MCOLN2: variants seen among roughly 807,000 people sequenced by gnomAD.
MCOLN2 encodes mucolipin TRP cation channel 2, also known as mucolipin-2.
A neutral mutation model predicts 67.5 loss-of-function variants in MCOLN2; 57 were observed. That is an observed-to-expected ratio of 0.84 (90% CI 0.68 to 1.05). MCOLN2 has a LOEUF of 1.05. Ranked by LOEUF, MCOLN2 falls within the 50% of genes least tolerant of loss-of-function variation. MCOLN2 has a pLI of 0.00. For missense variants in MCOLN2, 620 were observed against 678.8 expected (o/e 0.91, Z 0.96); for synonymous variants, 246 against 233.3 (o/e 1.05, Z -0.50).
rs1228223257 is a variant in MCOLN2, at chr1:84,929,552, A to G, written c.1664+6T>C. ...CAGGAGCATGGAGAATAAACATGAT[A>G]CTGACCTCCTCCGACAGCAGATGCA... On this transcript the variant is annotated splice_donor_region_variant and intron_variant, in intron 13 of 13. Coordinates refer to ENST00000370608, the MANE Select transcript of MCOLN2 (RefSeq NM_153259.4). The G allele has an allele frequency of 2.5e-6, 4 of 1,611,806 alleles. No homozygotes were observed. Among genetic ancestry groups the G allele is most frequent in the Admixed American group, 1.7e-5 (1 of 59,958 alleles).
rs777762305 is a variant in MCOLN2, at chr1:84,997,086, C to T, written c.-214G>A. Reference sequence around the variant, plus strand: ...CAGTCGTGGAGTGCGGCGGGCAGTTCTCGGGCGGCTGAAAGGCGGCTCTGT... The same window carrying T: ...CAGTCGTGGAGTGCGGCGGGCAGTTTTCGGGCGGCTGAAAGGCGGCTCTGT... On this transcript the variant is annotated 5_prime_UTR_variant, in exon 1 of 14. Coordinates refer to ENST00000370608, the MANE Select transcript of MCOLN2 (RefSeq NM_153259.4). 3.8e-5 allele frequency: 22 copies of T among 578,544 alleles called. No homozygotes were observed. In the South Asian group the frequency reaches 4.2e-4, roughly 11 times the overall value. 35.8% of individuals were successfully genotyped at this position (578,544 alleles called of 1,614,324 possible). A position where few individuals can be genotyped will look rare whatever the true frequency, so the allele number is the denominator to read the frequency against.
intron 12 of MCOLN2, chr1:84,929,904 G>A: frequency 3.1e-6 from 1 of 320,908 alleles, no homozygotes; most frequent in Non-Finnish European, 5.7e-6. Context: ...CAGAAAGAAA[G>A]CAGAGAAGAG....
intron 3 of MCOLN2, 117 bp from the exon 4 acceptor site, chr1:84,956,701 T>G: frequency 1.3e-6 from 1 of 791,892 alleles, no homozygotes; most frequent in Non-Finnish European, 1.9e-6. Flanking sequence ...TGGCTCTCAA[T>G]AGAACTTCCC....
At chr1:84,952,197 T>C (rs1280929785) in intron 6 of MCOLN2, 46 bp downstream of exon 6, 3 of 1,349,628 alleles carry the variant, frequency 2.2e-6, no homozygotes, top group South Asian at 1.3e-5. Context: ...ACAAAAAGTG[T>C]AGGAAAAAAA....
rs1485418093 is a variant in MCOLN2, at chr1:84,940,955, G to A, written c.884C>T (p.Ala295Val). ...KNAQYVLVFD[A>V]FVIVICLASL... Reference sequence around the variant, plus strand: ...TGCCAAGCAAATCACAATGACAAATGCATCAAACACCAGGACATACTGAGC... The same window carrying A: ...TGCCAAGCAAATCACAATGACAAATACATCAAACACCAGGACATACTGAGC... The change falls in exon 8 of 14, where the codon GCA becomes GTA. Residue 295 changes from alanine (A) to valine (V), a missense_variant. Transcript: ENST00000370608. 1.9e-6 allele frequency: 3 copies of A among 1,613,530 alleles called. No individual in the cohort carries two copies. The Admixed American group carries it at 5.0e-5, about 27-fold the overall frequency.
At chr1:84,930,787 T>A (rs189103299) in intron 12 of MCOLN2, among the ~76,000 whole-genome samples, 1 of 152,294 alleles carries the variant, frequency 6.6e-6, no homozygotes, top group Admixed American at 6.5e-5. Flanking sequence ...GACCATCTGC[T>A]GTGAATAAGG....
intron 7 of MCOLN2, among the ~76,000 whole-genome samples, chr1:84,941,660 T>C (rs374443235): frequency 2.0e-4 from 31 of 152,308 alleles, no homozygotes; most frequent in African/African-American, 6.5e-4. Context: ...TACTCTGAGT[T>C]CTTTCACATA....
chr1:84,996,682 A>G (rs1424684480), intron 1 of MCOLN2, 114 bp downstream of exon 1: 2 of 868,138 alleles, frequency 2.3e-6, no homozygotes, highest in Non-Finnish European at 3.7e-6. Flanking sequence ...GCAAGCAGTT[A>G]ATATAAGCAT....
At chr1:84,964,214 T>A (rs1305561074) in intron 2 of MCOLN2, among the ~76,000 whole-genome samples, 1 of 152,200 alleles carries the variant, frequency 6.6e-6, no homozygotes, top group Non-Finnish European at 1.5e-5. Context: ...ACACATGGCA[T>A]GTCATATACT....
At chr1:84,972,972 G>A (rs765120423) in intron 1 of MCOLN2, among the ~76,000 whole-genome samples, 2 of 152,082 alleles carry the variant, frequency 1.3e-5, no homozygotes, top group African/African-American at 4.8e-5. Context: ...CTTGACAAGG[G>A]GCCTGAAAGT....
intron 2 of MCOLN2, among the ~76,000 whole-genome samples, chr1:84,964,419 C>T (rs531315398): frequency 2.5e-4 from 38 of 150,250 alleles, no homozygotes; most frequent in African/African-American, 9.0e-4. Flanking sequence ...TTTAAAAGGG[C>T]GTGTGTTTCA....
intron 13 of MCOLN2, among the ~76,000 whole-genome samples, chr1:84,927,692 C>A (rs1322809894): frequency 6.6e-6 from 1 of 152,236 alleles, no homozygotes; most frequent in Non-Finnish European, 1.5e-5. Flanking sequence ...ACAGGGGGCA[C>A]AAAAACCAAT....
At chr1:84,930,775 A>G (rs1261150433) in intron 12 of MCOLN2, among the ~76,000 whole-genome samples, 1 of 152,184 alleles carries the variant, frequency 6.6e-6, no homozygotes, top group African/African-American at 2.4e-5. Flanking sequence ...TTTTCTAAGC[A>G]TGACCATCTG....
rs11161503 is a variant in MCOLN2 at position 84,996,899 on chromosome 1, C to G, written c.-27G>C. The G allele has an allele frequency of 0.47, 748,824 of 1,604,528 alleles. 177,650 individuals are homozygous for G. Among genetic ancestry groups the G allele is most frequent in the East Asian group, 0.59 (26,499 of 44,780 alleles). ...CCTCCTCCTTCAAAACTTTCCAGGG[C>G]TCTCGGGATTCGGAACAGGAAACAC... On this transcript the variant is annotated 5_prime_UTR_variant, in exon 1 of 14. Coordinates refer to ENST00000370608, the MANE Select transcript of MCOLN2 (RefSeq NM_153259.4).
In MCOLN2 at chr1:84,952,456, C is replaced by T. The variant is rs751679560; in HGVS notation, c.640G>A (p.Glu214Lys). The change falls in exon 5 of 14, where the codon GAA (glutamate) becomes AAA (lysine). Residue 214 changes from glutamate to lysine, a missense_variant. Coordinates refer to ENST00000370608, the MANE Select transcript of MCOLN2 (RefSeq NM_153259.4). Reference sequence around the variant, plus strand: ...TTAAAATGTATTTACCGATAAAATTCCAGTCTGAAGAATGATGAGTTCTTC... The same window carrying T: ...TTAAAATGTATTTACCGATAAAATTTCAGTCTGAAGAATGATGAGTTCTTC... ...DWKNSSFFRL[E>K]FYRLLQVEIS... 1.2e-6 allele frequency: 2 copies of T among 1,612,034 alleles called. No homozygotes were observed. Among genetic ancestry groups the T allele is most frequent in the South Asian group, 2.2e-5 (2 of 91,032 alleles).
chr1:84,956,320 G>T, intron 4 of MCOLN2, 111 bp downstream of exon 4: 1 of 1,031,392 alleles, frequency 9.7e-7, no homozygotes, highest in Non-Finnish European at 1.5e-6. Context: ...CCCCTAACAG[G>T]TTAGCTCTCA....
chr1:84,932,939 C>T (rs1647247917), intron 11 of MCOLN2, among the ~76,000 whole-genome samples: 1 of 152,190 alleles, frequency 6.6e-6, no homozygotes, highest in Non-Finnish European at 1.5e-5. Context: ...AGTTTGGATG[C>T]AAAATAAAAA....
At chr1:84,952,370 G>T (rs751658815) in intron 5 of MCOLN2, 31 bp from the exon 6 acceptor site, 2 of 1,585,424 alleles carry the variant, frequency 1.3e-6, no homozygotes, top group South Asian at 2.2e-5. Context: ...GGTATAAATT[G>T]TCATAATCTT....
At chr1:84,971,109 T>A (rs927680970) in intron 1 of MCOLN2, among the ~76,000 whole-genome samples, 9 of 152,218 alleles carry the variant, frequency 5.9e-5, no homozygotes, top group Non-Finnish European at 1.3e-4. Flanking sequence ...GCAGTTGTAA[T>A]ACTTTTAGCA....
Sources: allele counts gnomAD v4.1 joint callset (sites outside exome capture counted in the v4.1 genomes callset), GRCh38; gene constraint gnomAD v4.1.1; transcripts MANE v1.5; gene names NCBI Gene and HGNC (gene_info 2026-07-23, HGNC 2026-07-21).